Variants in SMARCB1 observed in about 807,000 individuals in gnomAD.
SMARCB1 encodes SWI/SNF-related matrix-associated actin-dependent regulator of chromatin subfamily B member 1.
SMARCB1 carries 5 observed loss-of-function variants against 49.0 expected under a neutral mutation model. That is an observed-to-expected ratio of 0.10 (90% confidence interval 0.05 to 0.21). The LOEUF is 0.21. Ranked by LOEUF, SMARCB1 falls within the 10% of genes least tolerant of loss-of-function variation. The pLI is 1.00. For missense variants in SMARCB1, 226 were observed against 509.2 expected (o/e 0.44, Z 5.35); for synonymous variants, 201 against 200.1 (o/e 1.00, Z -0.04).
chr22:23,809,613 G>A (rs1415181707), intron 5 of SMARCB1, among the ~76,000 whole-genome samples: 5 of 151,628 alleles, frequency 3.3e-5, no homozygotes, highest in Non-Finnish European at 5.9e-5. Flanking sequence ...GGGTTTCACT[G>A]TGTTAGCCAG....
intron 3 of SMARCB1, among the ~76,000 whole-genome samples, chr22:23,798,053 C>G (rs940750589): frequency 6.6e-6 from 1 of 152,156 alleles, no homozygotes; most frequent in African/African-American, 2.4e-5. Flanking sequence ...GAACTTGCTA[C>G]TGAGATAGGG....
At chr22:23,805,768 G>A (rs1479345873) in intron 5 of SMARCB1, among the ~76,000 whole-genome samples, 1 of 152,190 alleles carries the variant, frequency 6.6e-6, no homozygotes, top group Non-Finnish European at 1.5e-5. Context: ...GCCTCCCAAA[G>A]TGCTGGGATT....
Position 23,787,904 on chromosome 22 carries a change from A to G in SMARCB1, c.93+642A>G, listed in dbSNP as rs117069292. 2.4e-3 allele frequency among the ~76,000 whole-genome samples: 372 copies of G among 152,298 alleles called. 7 individuals carry two copies. In the East Asian group the frequency reaches 0.055, roughly 22 times the overall value. On this transcript the variant is annotated intron_variant, in intron 1 of 8. Transcript: ENST00000644036. ...CATATCTGTGAACTGATTCTGAATTATTACAGGGGAAAGAGCCTAAGGATG... is the reference window on the plus strand; with the variant it reads ...CATATCTGTGAACTGATTCTGAATTGTTACAGGGGAAAGAGCCTAAGGATG...
chr22:23,836,548 C>A lies in SMARCB1; in HGVS notation c.*2368C>A. 9.3e-7 allele frequency: 1 copy of A among 1,071,564 alleles called. No homozygotes were observed. Among genetic ancestry groups the A allele is most frequent in the Non-Finnish European group, 1.1e-6 (1 of 887,182 alleles). 66.4% of individuals were successfully genotyped at this position (1,071,564 alleles called of 1,614,324 possible). ...AGCCTGTCACCTGTGAGCTCAAAAG[C>A]TCTGCCTGGCAACCTGTGAGCTCAA... On this transcript the variant is annotated 3_prime_UTR_variant, in exon 9 of 9. Transcript: ENST00000644036.
At chr22:23,799,765 A>T (rs1929027426) in intron 3 of SMARCB1, among the ~76,000 whole-genome samples, 1 of 143,458 alleles carries the variant, frequency 7.0e-6, no homozygotes, top group Non-Finnish European at 1.5e-5. Context: ...GCTCACTGCA[A>T]GCTCTGCCTC....
intron 3 of SMARCB1, among the ~76,000 whole-genome samples, chr22:23,798,169 A>G (rs906229162): frequency 1.7e-4 from 26 of 152,162 alleles, no homozygotes; most frequent in African/African-American, 5.3e-4. Context: ...CTACCTGGAA[A>G]TCACCCGTGG....
In SMARCB1 at chr22:23,837,906, C is replaced by A. The variant is rs1291144603; in HGVS notation, c.*3726C>A. 6.5e-7 allele frequency: 1 copy of A among 1,544,796 alleles called. No homozygotes were observed. The highest frequency in any genetic ancestry group is 8.8e-7 in the Non-Finnish European group (1 of 1,139,912). ...GCAGGCCTCAGCCCAAGCCCAGGGC[C>A]CCTCTGACTTCCCAAGACCCTGGAA... On this transcript the variant is annotated 3_prime_UTR_variant, in exon 9 of 9. Coordinates refer to ENST00000644036, the MANE Select transcript of SMARCB1 (RefSeq NM_003073.5).
chr22:23,794,506 C>A (rs1928618047), intron 3 of SMARCB1, among the ~76,000 whole-genome samples: 1 of 152,078 alleles, frequency 6.6e-6, no homozygotes, highest in Non-Finnish European at 1.5e-5. Flanking sequence ...AGCAAGACCT[C>A]ATTTCTTAAA....
Position 23,801,099 on chromosome 22 carries a change from C to T in SMARCB1, c.500+18C>T, listed in dbSNP as rs1332728459. ...CCCCTTTGGTGTGGATGCATCGCTG[C>T]ACTCACCCTCCGTGCTGATTCCGCC... is the stretch of plus-strand genomic sequence containing the variant. On this transcript the variant is annotated intron_variant, in intron 4 of 8. Transcript: ENST00000644036. 1 of 1,614,202 alleles carries T rather than the reference C, an allele frequency of 6.2e-7. No homozygotes were observed. Among genetic ancestry groups the T allele is most frequent in the Non-Finnish European group, 8.5e-7 (1 of 1,180,014 alleles).
At chr22:23,792,275 C>T (rs1025838574) in intron 2 of SMARCB1, 1 of 358,786 alleles carries the variant, frequency 2.8e-6, no homozygotes, top group African/African-American at 2.1e-5. Context: ...AGCTCCCACT[C>T]CCCTCTGGGG....
In SMARCB1 at chr22:23,835,921, A is replaced by G; in HGVS notation, c.*1741A>G. 1.0e-6 allele frequency: 1 copy of G among 985,516 alleles called. No homozygotes were observed. The highest frequency in any genetic ancestry group is 1.1e-4 in the East Asian group (1 of 8,822). The allele number at this position is 985,516 out of a possible 1,614,324, so 61.0% of individuals were successfully genotyped here. A position where few individuals can be genotyped will look rare whatever the true frequency, so the allele number is the denominator to read the frequency against. On this transcript the variant is annotated 3_prime_UTR_variant, in exon 9 of 9. Coordinates refer to ENST00000644036, the MANE Select transcript of SMARCB1 (RefSeq NM_003073.5). ...AGCCATCTCCACAAGGTCTGGCTAC[A>G]ACACGGAGGGCAGACTCAACAGAGA...
chr22:23,826,955 G>A (rs1322619274), intron 7 of SMARCB1, among the ~76,000 whole-genome samples: 2 of 152,182 alleles, frequency 1.3e-5, no homozygotes, highest in Admixed American at 6.5e-5. Context: ...GGGGGCTGGT[G>A]TCTGATGCCT....
At chr22:23,818,459 CTT>C (rs1244256055) in intron 6 of SMARCB1, 1 of 152,020 alleles carries the variant, frequency 6.6e-6, no homozygotes, top group Non-Finnish European at 1.5e-5. Flanking sequence ...CTGGCCAATA[CTT>C]TGTTTTCTTG....
chr22:23,836,692 G>T lies in SMARCB1; in HGVS notation c.*2512G>T. ...GGACGGGGCAGGCATAGAAGGATGT[G>T]GCCAGGTGAGATGGGGAAGCCAGTG... On this transcript the variant is annotated 3_prime_UTR_variant, in exon 9 of 9. Transcript: ENST00000644036. 7.6e-7 allele frequency: 1 copy of T among 1,322,194 alleles called. No homozygotes were observed. The highest frequency in any genetic ancestry group is 2.4e-5 in the South Asian group (1 of 41,606). 81.9% of individuals were successfully genotyped at this position (1,322,194 alleles called of 1,614,324 possible).
At chr22:23,791,015 C>T (rs1010595021) in intron 1 of SMARCB1, among the ~76,000 whole-genome samples, 1 of 152,076 alleles carries the variant, frequency 6.6e-6, no homozygotes, top group Admixed American at 6.6e-5. Flanking sequence ...GAAGTGATCC[C>T]AGGTTACAGA....
chr22:23,816,210 C>T (rs9612451), intron 5 of SMARCB1: 21,287 of 175,096 alleles, frequency 0.12, 1,443 homozygotes, highest in South Asian at 0.26. Context: ...CCTGTGAGCT[C>T]CCATCTGGTA....
At chr22:23,833,053 G>A (rs1568962465) in intron 7 of SMARCB1, among the ~76,000 whole-genome samples, 1 of 151,366 alleles carries the variant, frequency 6.6e-6, no homozygotes, top group Non-Finnish European at 1.5e-5. Flanking sequence ...CAAGTGTGTG[G>A]AACATGCAGG....
intron 5 of SMARCB1, among the ~76,000 whole-genome samples, chr22:23,806,046 GTTGAAGAGGGAGCT>G (rs1384493520): frequency 6.6e-6 from 1 of 152,244 alleles, no homozygotes; most frequent in African/African-American, 2.4e-5. Context: ...AAATGTTCAA[GTTGAAGAGGGAGCT>G]CGTACTCAGC....
At chr22:23,811,638 A>G (rs1442763769) in intron 5 of SMARCB1, among the ~76,000 whole-genome samples, 2 of 152,224 alleles carry the variant, frequency 1.3e-5, no homozygotes, top group African/African-American at 4.8e-5. Context: ...ATTTAAAAAC[A>G]TACACAGACC....
Sources: gnomAD v4.1 joint callset for allele counts (sites outside exome capture counted in the v4.1 genomes callset) on GRCh38, gnomAD v4.1.1 for gene constraint, MANE v1.5 for transcripts, NCBI Gene and HGNC (gene_info 2026-07-23, HGNC 2026-07-21) for gene names.